Variants in GRID1 observed in about 807,000 individuals in gnomAD.
GRID1 encodes the protein glutamate ionotropic receptor delta type subunit 1, also known as glutamate receptor ionotropic, delta-1.
A neutral mutation model predicts 98.0 loss-of-function variants in GRID1; 28 were observed. The ratio of observed to expected loss-of-function variants is 0.29; its 90% confidence interval spans 0.21 to 0.39. The LOEUF (loss-of-function observed/expected upper bound fraction) is 0.39. Among genes scored for constraint, GRID1 ranks in the 10% least tolerant of loss-of-function variants. GRID1 has a pLI of 1.00. For synonymous variants in GRID1, 553 were observed against 538.5 expected (o/e 1.03, Z -0.37); for missense variants, 1,111 against 1,340.5 (o/e 0.83, Z 2.67).
At chr10:86,207,718 G>A (rs186488571) in intron 2 of GRID1, among the ~76,000 whole-genome samples, 858 of 132,964 alleles carry the variant, frequency 6.5e-3, no homozygotes, top group East Asian at 0.041. Context: ...TGCAAGCTCC[G>A]CCTCCCGGGT....
chr10:86,299,559 T>G (rs2607855), intron 2 of GRID1, among the ~76,000 whole-genome samples: 139,897 of 151,028 alleles, frequency 0.93, 65,279 homozygotes, highest in African/African-American at 0.96. Flanking sequence ...GCAAACTATC[T>G]CAAGGACAAA....
intron 4 of GRID1, among the ~76,000 whole-genome samples, chr10:86,037,399 A>G (rs1284422927): frequency 1.3e-5 from 2 of 152,224 alleles, no homozygotes; most frequent in Admixed American, 6.5e-5. Context: ...TCTCATCCAG[A>G]AAAGGATATA....
At chr10:85,810,550 T>C (rs907482691) in intron 8 of GRID1, among the ~76,000 whole-genome samples, 2 of 151,960 alleles carry the variant, frequency 1.3e-5, no homozygotes, top group African/African-American at 4.8e-5. Context: ...TGTGCCTGAG[T>C]CATGGTAAGA....
intron 4 of GRID1, among the ~76,000 whole-genome samples, chr10:86,083,599 C>G (rs554322218): frequency 6.6e-6 from 1 of 152,196 alleles, no homozygotes; most frequent in Non-Finnish European, 1.5e-5. Flanking sequence ...TAGTAAAAGT[C>G]CATCCTATCT....
intron 8 of GRID1, among the ~76,000 whole-genome samples, chr10:85,763,448 T>A (rs1842168238): frequency 6.6e-6 from 1 of 152,182 alleles, no homozygotes; most frequent in Non-Finnish European, 1.5e-5. Flanking sequence ...TCATACTCTA[T>A]CCCACTACCT....
At chr10:86,074,345 G>A (rs1447075842) in intron 4 of GRID1, among the ~76,000 whole-genome samples, 3 of 152,230 alleles carry the variant, frequency 2.0e-5, no homozygotes, top group Non-Finnish European at 2.9e-5. Context: ...CTCAGTCTCT[G>A]AGAACTATCA....
At chr10:85,912,843 T>C (rs545916936) in intron 5 of GRID1, among the ~76,000 whole-genome samples, 1 of 152,356 alleles carries the variant, frequency 6.6e-6, no homozygotes, top group African/African-American at 2.4e-5. Context: ...CTAGTGATTA[T>C]ATAAGACAAA....
intron 2 of GRID1, among the ~76,000 whole-genome samples, chr10:86,346,464 G>A (rs1848383803): frequency 6.6e-6 from 1 of 152,240 alleles, no homozygotes. Flanking sequence ...TCCAGGCCCT[G>A]ACCATCCTGT....
At chr10:85,678,407 C>G (rs1158049718) in intron 12 of GRID1, among the ~76,000 whole-genome samples, 1 of 152,166 alleles carries the variant, frequency 6.6e-6, no homozygotes, top group African/African-American at 2.4e-5. Context: ...TAGCTCTGGG[C>G]TGTGGTTCTC....
intron 4 of GRID1, among the ~76,000 whole-genome samples, chr10:86,013,072 G>A (rs192879107): frequency 6.6e-6 from 1 of 152,228 alleles, no homozygotes; most frequent in African/African-American, 2.4e-5. Context: ...CAGGTCAAAT[G>A]AAAAATAGAG....
At chr10:85,791,043 T>A (rs2132740681) in intron 8 of GRID1, among the ~76,000 whole-genome samples, 1 of 152,264 alleles carries the variant, frequency 6.6e-6, no homozygotes, top group Non-Finnish European at 1.5e-5. Context: ...AGTGACTTCA[T>A]CCCTAGCGAT....
rs184614045 is a variant in GRID1, at chr10:86,244,098, T to C, written c.236-37450A>G. On this transcript the variant is annotated intron_variant, in intron 2 of 15. Coordinates refer to ENST00000327946, the MANE Select transcript of GRID1 (RefSeq NM_017551.3). ...TCCTCTCCTTATCTCTCTTCCTCAATTGGGGGCATAATCAGGGTGAGGGCT... is the reference window on the plus strand; with the variant it reads ...TCCTCTCCTTATCTCTCTTCCTCAACTGGGGGCATAATCAGGGTGAGGGCT... 1.6e-4 allele frequency among the ~76,000 whole-genome samples: 25 copies of C among 152,272 alleles called. 1 individual carries two copies. The Middle Eastern group carries it at 0.02, about 124-fold the overall frequency.
intron 2 of GRID1, among the ~76,000 whole-genome samples, chr10:86,247,519 C>T (rs1449553828): frequency 6.6e-6 from 1 of 152,064 alleles, no homozygotes; most frequent in Non-Finnish European, 1.5e-5. Context: ...AAACTAGTCA[C>T]CAAAAAAGAG....
intron 5 of GRID1, among the ~76,000 whole-genome samples, chr10:85,903,140 T>A (rs1483545259): frequency 6.6e-6 from 1 of 152,164 alleles, no homozygotes; most frequent in Non-Finnish European, 1.5e-5. Flanking sequence ...TCCAGACTCA[T>A]AGAGCCACAT....
intron 2 of GRID1, among the ~76,000 whole-genome samples, chr10:86,339,884 G>A (rs919668896): frequency 2.6e-5 from 4 of 152,166 alleles, no homozygotes; most frequent in Non-Finnish European, 5.9e-5. Flanking sequence ...AGAGGTGAAC[G>A]AGCAACAACA....
At chr10:85,815,558 A>G (rs1004048515) in intron 8 of GRID1, among the ~76,000 whole-genome samples, 3 of 152,242 alleles carry the variant, frequency 2.0e-5, no homozygotes, top group Admixed American at 1.3e-4. Context: ...AAGTAAGTTT[A>G]ACAAGGTCAC....
intron 6 of GRID1, among the ~76,000 whole-genome samples, chr10:85,866,705 G>T (rs1366406878): frequency 6.6e-6 from 1 of 152,086 alleles, no homozygotes; most frequent in African/African-American, 2.4e-5. Context: ...GACTCTGGGG[G>T]ATAATATTCT....
chr10:86,067,081 C>A (rs1843729661), intron 4 of GRID1, among the ~76,000 whole-genome samples: 1 of 152,222 alleles, frequency 6.6e-6, no homozygotes, highest in South Asian at 2.1e-4. Flanking sequence ...CTTTGAACAA[C>A]TAATGAGGCA....
chr10:86,234,643 A>G (rs1394277174), intron 2 of GRID1, among the ~76,000 whole-genome samples: 1 of 152,224 alleles, frequency 6.6e-6, no homozygotes, highest in Non-Finnish European at 1.5e-5. Context: ...GTTGCGGTGT[A>G]AATCTTTAAT....
Sources: allele counts gnomAD v4.1 joint callset (sites outside exome capture counted in the v4.1 genomes callset), GRCh38; gene constraint gnomAD v4.1.1; transcripts MANE v1.5; gene names NCBI Gene and HGNC (gene_info 2026-07-23, HGNC 2026-07-21).